ASIC2: variants seen among roughly 807,000 people sequenced by gnomAD.
ASIC2 encodes acid sensing ion channel subunit 2, also known as acid-sensing ion channel 2.
In ASIC2, 25 loss-of-function variants were observed where a neutral mutation model predicts 57.3. The ratio of observed to expected loss-of-function variants is 0.44; its 90% CI spans 0.32 to 0.61. ASIC2 has a LOEUF of 0.61. ASIC2 is among the 20% of genes least tolerant of loss of function. ASIC2 has a pLI of 0.06. For missense variants in ASIC2, 641 were observed against 738.1 expected (o/e 0.87, Z 1.52); for synonymous variants, 319 against 307.5 (o/e 1.04, Z -0.39).
intron 1 of ASIC2, among the ~76,000 whole-genome samples, chr17:33,609,800 A>G (rs997894808): frequency 1.3e-5 from 2 of 152,172 alleles, no homozygotes; most frequent in African/African-American, 4.8e-5. Context: ...GGGAAATGAC[A>G]GTAAAATGTA....
intron 1 of ASIC2, among the ~76,000 whole-genome samples, chr17:33,943,498 T>C (rs536424480): frequency 2.0e-5 from 3 of 152,094 alleles, no homozygotes; most frequent in Non-Finnish European, 4.4e-5. Flanking sequence ...CCTTGCCCAG[T>C]AAGAGCAGGT....
intron 1 of ASIC2, among the ~76,000 whole-genome samples, chr17:33,894,476 GC>G (rs1160046450): frequency 6.6e-6 from 1 of 151,948 alleles, no homozygotes; most frequent in Non-Finnish European, 1.5e-5. Flanking sequence ...TCTCCTGGGT[GC>G]CCTCACCTCT....
intron 1 of ASIC2, among the ~76,000 whole-genome samples, chr17:33,127,726 C>T (rs1016776055): frequency 1.3e-5 from 2 of 152,182 alleles, no homozygotes; most frequent in African/African-American, 4.8e-5. Flanking sequence ...GAGTGAGCTG[C>T]TCATCTCTTA....
intron 1 of ASIC2, among the ~76,000 whole-genome samples, chr17:33,946,198 T>C (rs1449393617): frequency 6.6e-6 from 1 of 152,220 alleles, no homozygotes; most frequent in African/African-American, 2.4e-5. Context: ...CATAAGTATA[T>C]GAAAACTCTT....
intron 1 of ASIC2, among the ~76,000 whole-genome samples, chr17:33,165,645 A>G (rs1476235611): frequency 6.6e-6 from 1 of 152,130 alleles, no homozygotes; most frequent in East Asian, 1.9e-4. Flanking sequence ...TGGATTCCTG[A>G]TGTCACTCTG....
At chr17:33,851,221 G>A (rs551727846) in intron 1 of ASIC2, among the ~76,000 whole-genome samples, 1 of 152,262 alleles carries the variant, frequency 6.6e-6, no homozygotes, top group East Asian at 1.9e-4. Flanking sequence ...TCAAGGAGAA[G>A]CTTTCTTAGG....
intron 1 of ASIC2, among the ~76,000 whole-genome samples, chr17:33,356,272 A>G (rs530448274): frequency 1.3e-5 from 2 of 152,252 alleles, no homozygotes; most frequent in East Asian, 1.9e-4. Flanking sequence ...GGACAACCCT[A>G]TAAGGCATGG....
At chr17:33,328,789 G>A (rs1228164720) in intron 1 of ASIC2, among the ~76,000 whole-genome samples, 1 of 152,116 alleles carries the variant, frequency 6.6e-6, no homozygotes, top group African/African-American at 2.4e-5. Flanking sequence ...TGTTGTTTAT[G>A]AAGTTTTTAA....
chr17:33,154,669 C>G (rs899912367), intron 1 of ASIC2, among the ~76,000 whole-genome samples: 1 of 152,122 alleles, frequency 6.6e-6, no homozygotes, highest in Non-Finnish European at 1.5e-5. Flanking sequence ...GCACCTTGGC[C>G]GTGTGTTCCA....
At chr17:33,447,912 C>CAAAAAAAAAAAAAAAAAAAAA (rs34092157) in intron 1 of ASIC2, among the ~76,000 whole-genome samples, 1 of 73,084 alleles carries the variant, frequency 1.4e-5, no homozygotes, top group Non-Finnish European at 2.9e-5. Context: ...GACTCAGTCT[C>CAAAAAAAAAAAAAAAAAAAAA]AAAAAAAAAA....
intron 1 of ASIC2, 66 bp downstream of exon 1, chr17:33,291,342 A>T: frequency 6.6e-7 from 1 of 1,523,942 alleles, no homozygotes; most frequent in Non-Finnish European, 8.8e-7. Flanking sequence ...GGGGCGGAAC[A>T]CCAGGCCTCC....
At chr17:33,572,446 G>C (rs551894924) in intron 1 of ASIC2, 1 of 152,354 alleles carries the variant, frequency 6.6e-6, no homozygotes, top group East Asian at 1.9e-4. Context: ...GGTTATGGCA[G>C]AGCTGTGATT....
chr17:33,376,869 C>G (rs1909296715), intron 1 of ASIC2, among the ~76,000 whole-genome samples: 1 of 152,168 alleles, frequency 6.6e-6, no homozygotes, highest in South Asian at 2.1e-4. Flanking sequence ...GGGCACTCTT[C>G]TACATATTCT....
chr17:33,223,448 G>A (rs1907759012), intron 1 of ASIC2, among the ~76,000 whole-genome samples: 1 of 152,128 alleles, frequency 6.6e-6, no homozygotes, highest in Non-Finnish European at 1.5e-5. Context: ...CTCCCAAAGT[G>A]CTGGGATTAC....
intron 1 of ASIC2, among the ~76,000 whole-genome samples, chr17:33,493,068 T>C (rs1913810805): frequency 6.6e-6 from 1 of 152,218 alleles, no homozygotes; most frequent in Non-Finnish European, 1.5e-5. Context: ...ATTTAGTAGC[T>C]ACAGACTTCT....
intron 1 of ASIC2, among the ~76,000 whole-genome samples, chr17:33,920,800 T>C (rs1321098202): frequency 6.6e-6 from 1 of 152,148 alleles, no homozygotes; most frequent in African/African-American, 2.4e-5. Context: ...ATGCAAACCA[T>C]TAAGCCACTC....
At chr17:33,507,289 C>T (rs940932214) in intron 1 of ASIC2, among the ~76,000 whole-genome samples, 1 of 152,216 alleles carries the variant, frequency 6.6e-6, no homozygotes, top group Non-Finnish European at 1.5e-5. Context: ...GGCCCACAGA[C>T]TCTATGCTGA....
intron 1 of ASIC2, among the ~76,000 whole-genome samples, chr17:33,750,409 A>G (rs1910394952): frequency 6.6e-6 from 1 of 152,168 alleles, no homozygotes; most frequent in Non-Finnish European, 1.5e-5. Context: ...TGTGCACGAT[A>G]TTGTGCAAAA....
At chr17:33,017,501 G>T (rs1488665735) in intron 8 of ASIC2, 104 bp downstream of exon 8, 8 of 912,680 alleles carry the variant, frequency 8.8e-6, no homozygotes, top group African/African-American at 1.7e-5. Flanking sequence ...AGCAGGCTCT[G>T]CATGGAGAGA....
Sources: gnomAD v4.1 joint callset for allele counts (sites outside exome capture counted in the v4.1 genomes callset) on GRCh38, gnomAD v4.1.1 for gene constraint, MANE v1.5 for transcripts, NCBI Gene and HGNC (gene_info 2026-07-23, HGNC 2026-07-21) for gene names.